Variants in HPRT1 observed in about 807,000 individuals in gnomAD.
The protein encoded by HPRT1 is hypoxanthine-guanine phosphoribosyltransferase.
Under a neutral mutation model 19.0 loss-of-function variants are expected in HPRT1, and 4 were observed. The observed-to-expected ratio is 0.21, with a 90% CI of 0.10 to 0.48. HPRT1 has a LOEUF of 0.48. HPRT1 is among the 20% of genes least tolerant of loss of function. HPRT1 has a pLI of 0.98. For synonymous variants in HPRT1, 53 were observed against 54.9 expected, an observed-to-expected ratio of 0.97 and a Z score of 0.15; for missense variants, 65 against 164.0, an observed-to-expected ratio of 0.40 and a Z score of 3.30.
At chrX:134,493,388 G>A (rs1403740446) in intron 5 of HPRT1, 120 bp from the exon 6 acceptor site, 3 of 546,341 alleles carry the variant, frequency 5.5e-6, no homozygotes, top group Non-Finnish European at 9.8e-6. Flanking sequence ...TCTCCATGTA[G>A]ATTTTGGTGA....
At chrX:134,476,178 A>G (rs2077624812) in intron 3 of HPRT1, among the ~76,000 whole-genome samples, 1 of 111,828 alleles carries the variant, frequency 8.9e-6, no homozygotes, top group South Asian at 3.7e-4. Flanking sequence ...ATTTTTATTG[A>G]GAATAAGACC....
At chrX:134,476,879 A>C (rs2077626338) in intron 3 of HPRT1, among the ~76,000 whole-genome samples, 1 of 110,424 alleles carries the variant, frequency 9.1e-6, no homozygotes, top group Admixed American at 9.8e-5. Flanking sequence ...TATTAAGCTG[A>C]ACTCCTCAAC....
intron 8 of HPRT1, 22 bp downstream of exon 8, chrX:134,498,706 TCA>T (rs1332722063): frequency 4.0e-6 from 4 of 1,008,611 alleles, no homozygotes; most frequent in Non-Finnish European, 5.6e-6. Flanking sequence ...CTTCTTTTTC[TCA>T]CTCATTTTTC....
chrX:134,483,104 A>G (rs1402211750), intron 3 of HPRT1, among the ~76,000 whole-genome samples: 1 of 110,948 alleles, frequency 9.0e-6, no homozygotes, highest in Non-Finnish European at 1.9e-5. Context: ...CTAAGCCACT[A>G]AGGGGACATG....
intron 6 of HPRT1, among the ~76,000 whole-genome samples, chrX:134,497,316 G>A (rs927497193): frequency 3.6e-5 from 4 of 110,305 alleles, no homozygotes; most frequent in Non-Finnish European, 7.6e-5. Flanking sequence ...GCCACAGAGC[G>A]AGACTCATCT....
intron 5 of HPRT1, among the ~76,000 whole-genome samples, chrX:134,490,660 C>T (rs17878776): frequency 0.014 from 1,499 of 106,979 alleles, 31 homozygotes; most frequent in African/African-American, 0.049. Context: ...GGGTTACCAG[C>T]TAGTAAACTA....
At chrX:134,496,380 A>G (rs17878726) in intron 6 of HPRT1, among the ~76,000 whole-genome samples, 1,595 of 112,059 alleles carry the variant, frequency 0.014, 32 homozygotes, top group African/African-American at 0.049. Flanking sequence ...CTTCTTAAGA[A>G]CGGTTACCCA....
chrX:134,487,503 C>T (rs1167825958), intron 4 of HPRT1, among the ~76,000 whole-genome samples: 1 of 111,165 alleles, frequency 9.0e-6, no homozygotes, highest in Non-Finnish European at 1.9e-5. Flanking sequence ...ACGATATCCC[C>T]ATTTTACAAA....
At chrX:134,465,466 T>C (rs2077594510) in intron 1 of HPRT1, among the ~76,000 whole-genome samples, 2 of 111,820 alleles carry the variant, frequency 1.8e-5, no homozygotes, top group South Asian at 7.3e-4. Context: ...CAAAAAATTA[T>C]GAAGTTTTAA....
chrX:134,460,736 G>A (rs1268594814), intron 1 of HPRT1, among the ~76,000 whole-genome samples: 1 of 110,377 alleles, frequency 9.1e-6, no homozygotes, highest in African/African-American at 3.3e-5. Flanking sequence ...GGGGTGCGAT[G>A]GTGAGGTTCT....
At chrX:134,474,882 T>A (rs1040229998) in intron 2 of HPRT1, among the ~76,000 whole-genome samples, 8 of 111,307 alleles carry the variant, frequency 7.2e-5, no homozygotes, top group African/African-American at 9.8e-5. Flanking sequence ...TTAAAAAAAA[T>A]TTTTAATGCA....
chrX:134,475,358 C>T lies in HPRT1; in HGVS notation c.312C>T (p.Ser104=). The T allele has an allele frequency of 8.9e-7, 1 of 1,124,596 alleles. No individual in the cohort carries two copies. The highest frequency in any genetic ancestry group is 1.2e-6 in the Non-Finnish European group (1 of 816,942). 92.7% of individuals were successfully genotyped at this position (1,124,596 alleles called of 1,213,427 possible). The change falls in exon 3 of 9, where the codon AGC becomes AGT. Residue 104 remains serine (S), a synonymous_variant. Coordinates refer to ENST00000298556, the MANE Select transcript of HPRT1 (RefSeq NM_000194.3). ...PMTVDFIRLK[S]YCNDQSTGDI... is the part of the protein sequence containing the mutation. Reference sequence around the variant, plus strand: ...CTGTAGATTTTATCAGACTGAAGAGCTATTGTGTGAGTATATTTAATATAT... The same window carrying T: ...CTGTAGATTTTATCAGACTGAAGAGTTATTGTGTGAGTATATTTAATATAT...
intron 2 of HPRT1, among the ~76,000 whole-genome samples, chrX:134,474,532 A>G (rs1214662283): frequency 9.3e-6 from 1 of 107,312 alleles, no homozygotes; most frequent in Non-Finnish European, 1.9e-5. Context: ...CGATCCTTCC[A>G]CCTCAGCCTC....
In HPRT1 at chrX:134,485,986, C is replaced by G. The variant is rs1387296745; in HGVS notation, c.319-479C>G. 7.2e-5 allele frequency among the ~76,000 whole-genome samples: 8 copies of G among 111,858 alleles called. No homozygotes were observed. The East Asian group carries it at 2.2e-3, about 31-fold the overall frequency. ...GATGCTGAAGATGACGGGGCCTGGG[C>G]TAGACTTTTGAGGGACATATCCTTG... On this transcript the variant is annotated intron_variant, in intron 3 of 8. Transcript: ENST00000298556.
At chrX:134,479,964 C>A (rs1203453950) in intron 3 of HPRT1, among the ~76,000 whole-genome samples, 1 of 109,546 alleles carries the variant, frequency 9.1e-6, no homozygotes, top group Admixed American at 9.9e-5. Flanking sequence ...ACCAAAAAAA[C>A]AACAAAGCCT....
Position 134,500,090 on chromosome X carries a change from A to G in HPRT1, c.*13A>G. 1 of 1,139,540 alleles carries G rather than the reference A, an allele frequency of 8.8e-7. No homozygotes were observed. Among genetic ancestry groups the G allele is most frequent in the Non-Finnish European group, 1.2e-6 (1 of 829,479 alleles). 93.9% of individuals were successfully genotyped at this position (1,139,540 alleles called of 1,213,427 possible). ...ATACAAAGCCTAAGATGAGAGTTCA[A>G]GTTGAGTTTGGAAACATCTGGAGTC... On this transcript the variant is annotated 3_prime_UTR_variant, in exon 9 of 9. Coordinates refer to ENST00000298556, the MANE Select transcript of HPRT1 (RefSeq NM_000194.3).
chrX:134,469,327 T>A (rs760979823), intron 1 of HPRT1, among the ~76,000 whole-genome samples: 51 of 111,444 alleles, frequency 4.6e-4, no homozygotes, highest in Non-Finnish European at 8.8e-4. Context: ...ATTGACAAAT[T>A]TTTTATGCTT....
At position 134,487,773 on chromosome X, in the gene HPRT1, T is replaced by G. The variant is rs184928651; in HGVS notation, c.384+1243T>G. 3.2e-3 allele frequency among the ~76,000 whole-genome samples: 360 copies of G among 112,242 alleles called. 2 individuals are homozygous for G. Among genetic ancestry groups the G allele is most frequent in the African/African-American group, 0.011 (341 of 30,907 alleles). On this transcript the variant is annotated intron_variant, in intron 4 of 8. Transcript: ENST00000298556. ...TCTTTGGAAAACTTCAGAGGAGAAA[T>G]GAGCTTTGCCCCTCCTGTTCATTTC...
chrX:134,461,566 G>T (rs1040096868), intron 1 of HPRT1, among the ~76,000 whole-genome samples: 1 of 112,096 alleles, frequency 8.9e-6, no homozygotes, highest in African/African-American at 3.2e-5. Context: ...TATCTGAGGT[G>T]CTGGCTACCT....
Sources: allele counts gnomAD v4.1 joint callset (sites outside exome capture counted in the v4.1 genomes callset), GRCh38; gene constraint gnomAD v4.1.1; transcripts MANE v1.5; gene names NCBI Gene and HGNC (gene_info 2026-07-23, HGNC 2026-07-21).